PDE4B: variants seen among roughly 807,000 people sequenced by gnomAD.
PDE4B encodes the protein 3',5'-cyclic-AMP phosphodiesterase 4B.
PDE4B carries 20 observed loss-of-function variants against 82.2 expected under a neutral mutation model. That is an observed-to-expected ratio of 0.24 (90% CI 0.17 to 0.35). PDE4B has a LOEUF of 0.35. Ranked by LOEUF, PDE4B falls within the 10% of genes least tolerant of loss-of-function variation. The pLI is 1.00. For synonymous variants in PDE4B, 320 were observed against 318.9 expected, an observed-to-expected ratio of 1.00 and a Z score of -0.04; for missense variants, 655 against 907.2, an observed-to-expected ratio of 0.72 and a Z score of 3.57.
chr1:66,319,667 A>G (rs986671038), intron 7 of PDE4B, among the ~76,000 whole-genome samples: 4 of 152,244 alleles, frequency 2.6e-5, no homozygotes, highest in Admixed American at 6.5e-5. Context: ...TGTAGTGACC[A>G]GAAGACATGA....
At chr1:66,197,363 A>G (rs990383217) in intron 3 of PDE4B, among the ~76,000 whole-genome samples, 1 of 152,100 alleles carries the variant, frequency 6.6e-6, no homozygotes, top group Non-Finnish European at 1.5e-5. Flanking sequence ...AGATAAATCA[A>G]CTCACTCCAC....
chr1:66,024,759 A>G (rs1653343375), intron 3 of PDE4B, among the ~76,000 whole-genome samples: 1 of 152,062 alleles, frequency 6.6e-6, no homozygotes, highest in Admixed American at 6.6e-5. Flanking sequence ...TAAACTCTTG[A>G]TATATAGGTA....
At chr1:65,935,994 A>G (rs749981849) in intron 3 of PDE4B, among the ~76,000 whole-genome samples, 1 of 152,204 alleles carries the variant, frequency 6.6e-6, no homozygotes, top group Non-Finnish European at 1.5e-5. Context: ...GTATAGCTGC[A>G]TAAAGATATT....
At chr1:66,101,787 G>A (rs1243968081) in intron 3 of PDE4B, among the ~76,000 whole-genome samples, 1 of 152,084 alleles carries the variant, frequency 6.6e-6, no homozygotes, top group Non-Finnish European at 1.5e-5. Context: ...TAGGTTGCCT[G>A]TTCACTCTGA....
chr1:65,964,204 G>A (rs536709520), intron 3 of PDE4B, among the ~76,000 whole-genome samples: 2 of 152,140 alleles, frequency 1.3e-5, no homozygotes, highest in Non-Finnish European at 1.5e-5. Flanking sequence ...AGAGAATCAG[G>A]TGAAATGAGA....
chr1:66,310,893 T>C (rs921648185), intron 7 of PDE4B, among the ~76,000 whole-genome samples: 1 of 152,218 alleles, frequency 6.6e-6, no homozygotes, highest in African/African-American at 2.4e-5. Flanking sequence ...ACACTAATAG[T>C]ATGTAAAATC....
At chr1:66,038,169 A>G (rs1317931329) in intron 3 of PDE4B, among the ~76,000 whole-genome samples, 2 of 152,140 alleles carry the variant, frequency 1.3e-5, no homozygotes, top group African/African-American at 2.4e-5. Flanking sequence ...AGTCAGTTGG[A>G]CAGTCAATTA....
At chr1:66,122,862 C>T (rs1206227803) in intron 3 of PDE4B, among the ~76,000 whole-genome samples, 7 of 151,586 alleles carry the variant, frequency 4.6e-5, no homozygotes, top group South Asian at 2.1e-4. Context: ...CCTGCCACCA[C>T]GCCTGGCTAA....
intron 7 of PDE4B, among the ~76,000 whole-genome samples, chr1:66,273,345 T>G (rs1260364761): frequency 6.6e-6 from 1 of 152,260 alleles, no homozygotes; most frequent in East Asian, 1.9e-4. Flanking sequence ...CATTTACATA[T>G]TCAGCTCAGG....
At chr1:65,894,738 A>G (rs1017648586) in intron 1 of PDE4B, among the ~76,000 whole-genome samples, 1 of 152,216 alleles carries the variant, frequency 6.6e-6, no homozygotes, top group African/African-American at 2.4e-5. Flanking sequence ...AAGAAAATAT[A>G]TGAATGGAAG....
intron 3 of PDE4B, among the ~76,000 whole-genome samples, chr1:65,945,556 G>C (rs943858918): frequency 6.6e-6 from 1 of 151,984 alleles, no homozygotes; most frequent in Admixed American, 6.6e-5. Context: ...CTCCTTGAGA[G>C]ATGGTCTCAA....
intron 3 of PDE4B, among the ~76,000 whole-genome samples, chr1:65,920,549 CT>C (rs751549097): frequency 1.3e-5 from 2 of 152,104 alleles, no homozygotes; most frequent in Non-Finnish European, 2.9e-5. Context: ...TTTCTCTTTC[CT>C]AGTTGAATGT....
intron 7 of PDE4B, among the ~76,000 whole-genome samples, chr1:66,287,501 C>G (rs146979158): frequency 2.0e-5 from 3 of 152,242 alleles, no homozygotes; most frequent in Admixed American, 6.5e-5. Context: ...CTTGGTGAAA[C>G]AGGAGGAATC....
chr1:65,808,548 G>A (rs1486122055), intron 1 of PDE4B, among the ~76,000 whole-genome samples: 1 of 152,246 alleles, frequency 6.6e-6, no homozygotes, highest in Non-Finnish European at 1.5e-5. Flanking sequence ...TTCCACATAG[G>A]TGAGGAATGG....
At chr1:66,238,351 G>T (rs1029352684) in intron 3 of PDE4B, among the ~76,000 whole-genome samples, 22 of 152,142 alleles carry the variant, frequency 1.4e-4, no homozygotes, top group African/African-American at 5.3e-4. Flanking sequence ...AGGATGGGGG[G>T]TGTGGCAAGG....
chr1:66,159,602 C>A (rs1283700561), intron 3 of PDE4B, among the ~76,000 whole-genome samples: 1 of 152,146 alleles, frequency 6.6e-6, no homozygotes, highest in Non-Finnish European at 1.5e-5. Flanking sequence ...TTCAGACAAT[C>A]TGTTTGTAAA....
chr1:66,013,510 C>T (rs1304675844), intron 3 of PDE4B, among the ~76,000 whole-genome samples: 5 of 152,032 alleles, frequency 3.3e-5, no homozygotes, highest in African/African-American at 4.8e-5. Context: ...CCAAAATTTA[C>T]CATCTTCGCT....
At chr1:66,315,750 T>C (rs1235773471) in intron 7 of PDE4B, among the ~76,000 whole-genome samples, 1 of 152,238 alleles carries the variant, frequency 6.6e-6, no homozygotes, top group Non-Finnish European at 1.5e-5. Flanking sequence ...AAATGCTTGC[T>C]GTTTATCAAG....
chr1:66,157,214 C>T (rs1646518340), intron 3 of PDE4B, among the ~76,000 whole-genome samples: 1 of 152,190 alleles, frequency 6.6e-6, no homozygotes, highest in African/African-American at 2.4e-5. Context: ...TCATTCGCAG[C>T]ATCTTGTCTG....
Sources: allele counts gnomAD v4.1 joint callset (sites outside exome capture counted in the v4.1 genomes callset), GRCh38; gene constraint gnomAD v4.1.1; transcripts MANE v1.5; gene names NCBI Gene and HGNC (gene_info 2026-07-23, HGNC 2026-07-21).